PTPRT: variants seen among roughly 807,000 people sequenced by gnomAD.
PTPRT encodes receptor-type tyrosine-protein phosphatase T.
PTPRT carries 56 observed loss-of-function variants against 176.8 expected under a neutral mutation model. The ratio of observed to expected loss-of-function variants is 0.32; its 90% CI spans 0.26 to 0.40. The LOEUF is 0.40. Ranked by LOEUF, PTPRT falls within the 10% of genes least tolerant of loss-of-function variation. The pLI is 1.00. For synonymous variants in PTPRT, 783 were observed against 739.0 expected, an observed-to-expected ratio of 1.06 and a Z score of -0.96; for missense variants, 1,540 against 1,908.2, an observed-to-expected ratio of 0.81 and a Z score of 3.60.
chr20:42,713,820 A>C (rs2076182440), intron 6 of PTPRT, among the ~76,000 whole-genome samples: 1 of 151,004 alleles, frequency 6.6e-6, no homozygotes, highest in East Asian at 1.9e-4. Flanking sequence ...AGTGCATAGC[A>C]CCTCCCCCTC....
At chr20:42,405,881 C>G (rs757840325) in intron 9 of PTPRT, among the ~76,000 whole-genome samples, 6 of 152,126 alleles carry the variant, frequency 3.9e-5, no homozygotes, top group Admixed American at 6.6e-5. Flanking sequence ...TAATGATCAC[C>G]ATTCTAACTT....
intron 7 of PTPRT, among the ~76,000 whole-genome samples, chr20:42,623,487 A>G (rs1049583164): frequency 8.5e-5 from 13 of 152,252 alleles, no homozygotes; most frequent in African/African-American, 3.1e-4. Context: ...TAAAACAAGG[A>G]TACTAAGGTT....
chr20:42,502,320 C>A (rs1006937721), intron 7 of PTPRT, among the ~76,000 whole-genome samples: 1 of 151,592 alleles, frequency 6.6e-6, no homozygotes. Context: ...ATTTGAAATT[C>A]ACTTGTGCCC....
intron 6 of PTPRT, chr20:42,688,403 T>G (rs1031849462): frequency 6.6e-6 from 1 of 152,212 alleles, no homozygotes; most frequent in South Asian, 2.1e-4. Flanking sequence ...TACAGACTTC[T>G]AGGTACCATA....
intron 7 of PTPRT, among the ~76,000 whole-genome samples, chr20:42,670,517 G>A (rs571063718): frequency 6.6e-6 from 1 of 152,310 alleles, no homozygotes; most frequent in East Asian, 1.9e-4. Flanking sequence ...CTGGAGAAAA[G>A]AGAGAGGTAG....
At chr20:43,035,951 A>T (rs1196173031) in intron 1 of PTPRT, among the ~76,000 whole-genome samples, 1 of 152,142 alleles carries the variant, frequency 6.6e-6, no homozygotes, top group Non-Finnish European at 1.5e-5. Context: ...TGAACCATAA[A>T]CATACACTGG....
chr20:42,612,449 CT>C (rs2073991302), intron 7 of PTPRT, among the ~76,000 whole-genome samples: 1 of 152,198 alleles, frequency 6.6e-6, no homozygotes, highest in African/African-American at 2.4e-5. Context: ...TGAGACTCCC[CT>C]GTTACATTAC....
chr20:42,229,004 A>G (rs750842499), intron 15 of PTPRT, among the ~76,000 whole-genome samples: 3 of 152,252 alleles, frequency 2.0e-5, no homozygotes, highest in Non-Finnish European at 4.4e-5. Context: ...CCTCCAAAGT[A>G]GAGAACAATG....
At chr20:42,925,576 A>C (rs937191616) in intron 1 of PTPRT, among the ~76,000 whole-genome samples, 1 of 152,172 alleles carries the variant, frequency 6.6e-6, no homozygotes, top group Non-Finnish European at 1.5e-5. Context: ...ACACTACAAA[A>C]AATTCCATGA....
intron 2 of PTPRT, among the ~76,000 whole-genome samples, chr20:42,867,635 C>T (rs2078770334): frequency 6.6e-6 from 1 of 151,310 alleles, no homozygotes. Flanking sequence ...ACTTGGAATT[C>T]CCAGCATCCA....
intron 17 of PTPRT, among the ~76,000 whole-genome samples, chr20:42,153,114 AGT>A (rs2146466658): frequency 6.6e-6 from 1 of 152,292 alleles, no homozygotes; most frequent in East Asian, 1.9e-4. Context: ...GCAAAAAGCA[AGT>A]GTGTCTCCAA....
chr20:43,028,434 C>T (rs1436877413), intron 1 of PTPRT, among the ~76,000 whole-genome samples: 1 of 152,216 alleles, frequency 6.6e-6, no homozygotes, highest in African/African-American at 2.4e-5. Context: ...CTCTCTCTTC[C>T]TCGACCTAGT....
intron 7 of PTPRT, among the ~76,000 whole-genome samples, chr20:42,578,580 C>T (rs2073307166): frequency 6.6e-6 from 1 of 152,048 alleles, no homozygotes; most frequent in Non-Finnish European, 1.5e-5. Flanking sequence ...CTCATCCTTC[C>T]AGTTGCCCAG....
chr20:42,567,669 T>A (rs1457878964), intron 7 of PTPRT, among the ~76,000 whole-genome samples: 1 of 152,234 alleles, frequency 6.6e-6, no homozygotes, highest in Non-Finnish European at 1.5e-5. Context: ...CCTCACCTAT[T>A]TGTTGTGAAC....
intron 9 of PTPRT, among the ~76,000 whole-genome samples, chr20:42,429,080 C>T (rs923934158): frequency 5.3e-5 from 8 of 152,148 alleles, no homozygotes; most frequent in African/African-American, 1.9e-4. Flanking sequence ...TGTATTCACA[C>T]TTAGTAGGAA....
chr20:42,339,448 C>A (rs574420817), intron 11 of PTPRT, among the ~76,000 whole-genome samples: 2 of 152,222 alleles, frequency 1.3e-5, no homozygotes, highest in South Asian at 4.2e-4. Context: ...ATGAGAGATC[C>A]AAAAGCTGTA....
chr20:42,802,247 C>T (rs1382544097), intron 2 of PTPRT, among the ~76,000 whole-genome samples: 1 of 152,214 alleles, frequency 6.6e-6, no homozygotes. Flanking sequence ...TCTAATTCCC[C>T]AGCCCTGATA....
chr20:42,281,997 G>C (rs2057146884), intron 13 of PTPRT, among the ~76,000 whole-genome samples: 1 of 152,072 alleles, frequency 6.6e-6, no homozygotes, highest in African/African-American at 2.4e-5. Flanking sequence ...GATAAGTGTT[G>C]AAAATGCCAA....
rs183533444 is a variant in PTPRT, at chr20:42,576,339, C to G, written c.1153+101527G>C. Among the ~76,000 whole-genome samples the G allele has an allele frequency of 1.7e-3, 256 of 152,308 alleles. 1 individual carries two copies. The highest frequency in any genetic ancestry group is 0.01 in the Middle Eastern group (3 of 292). ...CCTCTGTTTACTTGCCTGTTAAATC[C>G]TGAACATCTGGAAGGGAGTCGTGTT... is the stretch of plus-strand genomic sequence containing the variant. On this transcript the variant is annotated intron_variant, in intron 7 of 30. Transcript: ENST00000373187.
Sources: gnomAD v4.1 joint callset for allele counts (sites outside exome capture counted in the v4.1 genomes callset) on GRCh38, gnomAD v4.1.1 for gene constraint, MANE v1.5 for transcripts, NCBI Gene and HGNC (gene_info 2026-07-23, HGNC 2026-07-21) for gene names.